MOB1B: variants seen among roughly 807,000 people sequenced by gnomAD.
The protein encoded by MOB1B is MOB kinase activator 1B, also known as MOB1 Mps One Binder homolog B.
A neutral mutation model predicts 24.4 loss-of-function variants in MOB1B; 19 were observed. The observed-to-expected ratio is 0.78, with a 90% CI of 0.54 to 1.14. MOB1B has a LOEUF of 1.14. MOB1B is among the 50% of genes most tolerant of loss of function. The pLI is 0.00. For missense variants in MOB1B, 243 were observed against 259.6 expected (o/e 0.94, Z 0.44); for synonymous variants, 76 against 82.1 (o/e 0.93, Z 0.40).
At chr4:70,970,108 T>C (rs755354831) in intron 3 of MOB1B, 84 bp downstream of exon 3, 13 of 768,668 alleles carry the variant, frequency 1.7e-5, no homozygotes, top group Non-Finnish European at 2.8e-5. Context: ...ACCATATGAT[T>C]TTTCTACTTA....
chr4:70,956,518 C>T (rs551385176), intron 1 of MOB1B, among the ~76,000 whole-genome samples: 13 of 152,158 alleles, frequency 8.5e-5, no homozygotes, highest in Non-Finnish European at 1.6e-4. Context: ...GTAGCCTTGA[C>T]TTCCTGGGCT....
intron 3 of MOB1B, among the ~76,000 whole-genome samples, chr4:70,974,042 C>G (rs1436207169): frequency 1.3e-5 from 2 of 152,140 alleles, no homozygotes; most frequent in Non-Finnish European, 2.9e-5. Flanking sequence ...CAGGAGTAAC[C>G]TTTTGGAAAC....
At chr4:70,950,903 T>G (rs1034483364) in intron 1 of MOB1B, 3 of 751,978 alleles carry the variant, frequency 4.0e-6, no homozygotes, top group African/African-American at 3.5e-5. Flanking sequence ...TATCTCCATT[T>G]TGTAGACGAG....
chr4:70,914,211 C>T (rs1315431882), intron 1 of MOB1B, among the ~76,000 whole-genome samples: 1 of 152,156 alleles, frequency 6.6e-6, no homozygotes, highest in Non-Finnish European at 1.5e-5. Context: ...ACTATACAGG[C>T]TCTTTAACTG....
At chr4:70,941,558 G>A (rs1737342250) in intron 1 of MOB1B, among the ~76,000 whole-genome samples, 2 of 151,940 alleles carry the variant, frequency 1.3e-5, no homozygotes, top group Non-Finnish European at 2.9e-5. Flanking sequence ...GGCCAGGATG[G>A]TCTCGATCTC....
chr4:70,911,091 C>T (rs969191461), intron 1 of MOB1B, among the ~76,000 whole-genome samples: 1 of 152,054 alleles, frequency 6.6e-6, no homozygotes, highest in African/African-American at 2.4e-5. Flanking sequence ...CTGCTAACTT[C>T]TTCTGAATCT....
intron 1 of MOB1B, among the ~76,000 whole-genome samples, chr4:70,935,759 T>G (rs1286407343): frequency 1.3e-5 from 2 of 152,002 alleles, no homozygotes; most frequent in Non-Finnish European, 2.9e-5. Context: ...CACTGCAACT[T>G]CTGCCTCCTG....
chr4:70,928,776 C>T (rs1290819846), intron 1 of MOB1B, among the ~76,000 whole-genome samples: 2 of 152,102 alleles, frequency 1.3e-5, no homozygotes, highest in African/African-American at 4.8e-5. Context: ...TTAATAGACA[C>T]GGGGTCTTGC....
chr4:70,935,020 C>T (rs1306981626), intron 1 of MOB1B, among the ~76,000 whole-genome samples: 2 of 152,020 alleles, frequency 1.3e-5, no homozygotes, highest in African/African-American at 2.4e-5. Flanking sequence ...CTGTAGCCTC[C>T]CACTTCTGGG....
At chr4:70,934,297 G>C (rs1328964558) in intron 1 of MOB1B, among the ~76,000 whole-genome samples, 1 of 149,310 alleles carries the variant, frequency 6.7e-6, no homozygotes, top group Non-Finnish European at 1.5e-5. Flanking sequence ...TGTTGGCCAG[G>C]TTGGTCTCGA....
intron 5 of MOB1B, among the ~76,000 whole-genome samples, chr4:70,980,064 C>T (rs547719790): frequency 1.3e-5 from 2 of 152,160 alleles, no homozygotes; most frequent in East Asian, 3.9e-4. Context: ...ATCTTGAATT[C>T]GTGTTGTTTT....
intron 4 of MOB1B, chr4:70,976,824 T>G: frequency 2.5e-5 from 4 of 163,092 alleles, no homozygotes; most frequent in Non-Finnish European, 5.0e-5. Flanking sequence ...ACCTTATCTC[T>G]TCTCTCTCAT....
intron 1 of MOB1B, among the ~76,000 whole-genome samples, chr4:70,902,879 C>T (rs1735574429): frequency 6.6e-6 from 1 of 152,186 alleles, no homozygotes; most frequent in Non-Finnish European, 1.5e-5. Context: ...GTGCGCTTCT[C>T]GTGGGTATCT....
In MOB1B at chr4:70,972,758, A is replaced by ATTATT. The variant is rs140540036; in HGVS notation, c.276-2367_276-2363dup. 3.2e-3 allele frequency among the ~76,000 whole-genome samples: 490 copies of ATTATT among 151,254 alleles called. 1 individual carries two copies. The highest frequency in any genetic ancestry group is 9.6e-3 in the South Asian group (46 of 4,804). On this transcript the variant is annotated intron_variant, in intron 3 of 5. Coordinates refer to ENST00000309395, the MANE Select transcript of MOB1B (RefSeq NM_173468.4). ...ACTCTAAAGGTCTAAGCAATACACA[A>ATTATT]TTATTTTATTTTATTTTATTTTATT...
intron 3 of MOB1B, among the ~76,000 whole-genome samples, 170 bp from the exon 4 acceptor site, chr4:70,974,983 G>A (rs758970833): frequency 6.6e-6 from 1 of 152,178 alleles, no homozygotes; most frequent in Non-Finnish European, 1.5e-5. Flanking sequence ...AGTTTGGATT[G>A]TGATAAACGC....
intron 1 of MOB1B, among the ~76,000 whole-genome samples, chr4:70,920,212 T>C (rs1210872870): frequency 6.6e-6 from 1 of 151,956 alleles, no homozygotes; most frequent in African/African-American, 2.4e-5. Flanking sequence ...TAAGCTCCTC[T>C]TCCTCTTCCT....
rs1238176695 is a variant in MOB1B, at chr4:70,975,247, G to C, written c.370G>C (p.Asp124His). ...TGATTACTTGATGACTTGGGTTCAGGACCAGTTGGATGATGAGACGTTATT... is the reference window on the plus strand; with the variant it reads ...TGATTACTTGATGACTTGGGTTCAGCACCAGTTGGATGATGAGACGTTATT... ...YIDYLMTWVQ[D>H]QLDDETLFPS... The change falls in exon 4 of 6, where the codon GAC (aspartate) becomes CAC (histidine). Residue 124 changes from aspartate to histidine, a missense_variant. Physicochemically the swap from Asp to His is moderately conservative, Grantham distance 81. Transcript: ENST00000309395. 1 of 1,613,566 alleles carries C rather than the reference G, an allele frequency of 6.2e-7. No homozygotes were observed. The highest frequency in any genetic ancestry group is 8.5e-7 in the Non-Finnish European group (1 of 1,179,756).
At chr4:70,954,562 TCTC>T (rs1335957367) in intron 1 of MOB1B, among the ~76,000 whole-genome samples, 1 of 149,114 alleles carries the variant, frequency 6.7e-6, no homozygotes, top group Non-Finnish European at 1.5e-5. Context: ...TTCAAGCAAT[TCTC>T]CTGCCTCAGC....
intron 1 of MOB1B, among the ~76,000 whole-genome samples, chr4:70,957,097 T>A (rs1264155050): frequency 1.1e-4 from 16 of 146,646 alleles, no homozygotes; most frequent in African/African-American, 3.9e-4. Flanking sequence ...CCATTGTTTA[T>A]GTGTTTTTTT....
Sources: allele counts gnomAD v4.1 joint callset (sites outside exome capture counted in the v4.1 genomes callset), GRCh38; gene constraint gnomAD v4.1.1; transcripts MANE v1.5; gene names NCBI Gene and HGNC (gene_info 2026-07-23, HGNC 2026-07-21).